The following SNX8 variants were observed in gnomAD, a reference collection of about 807,000 sequenced individuals.
SNX8 encodes the protein sorting nexin 8, also known as sorting nexin-8.
A neutral mutation model predicts 51.6 loss-of-function variants in SNX8; 25 were observed. That is an observed-to-expected ratio of 0.48 (90% CI 0.35 to 0.68). SNX8 has a LOEUF of 0.68. Among genes scored for constraint, SNX8 ranks in the 30% least tolerant of loss-of-function variants. SNX8 has a pLI of 0.00. For synonymous variants in SNX8, 324 were observed against 277.0 expected (o/e 1.17, Z -1.68); for missense variants, 695 against 624.0 (o/e 1.11, Z -1.21).
At chr7:2,317,665 G>A (rs1290132961), upstream of SNX8, among the ~76,000 whole-genome samples, 3 of 151,996 alleles carry the variant, frequency 2.0e-5, no homozygotes, top group Non-Finnish European at 4.4e-5. Flanking sequence ...TTCCTAGGAA[G>A]CGTCCCCTTC....
intron 1 of SNX8, among the ~76,000 whole-genome samples, chr7:2,330,602 G>T (rs1180036079): frequency 6.6e-6 from 1 of 152,082 alleles, no homozygotes; most frequent in African/African-American, 2.4e-5. Flanking sequence ...CAGGGTCTGG[G>T]GGGATAGGTA....
upstream of SNX8, among the ~76,000 whole-genome samples, chr7:2,314,690 G>C (rs968193117): frequency 6.6e-6 from 1 of 152,160 alleles, no homozygotes; most frequent in African/African-American, 2.4e-5. Flanking sequence ...TTGGACCTCC[G>C]GACTCGCAGG....
intron 1 of SNX8, among the ~76,000 whole-genome samples, chr7:2,301,306 G>T (rs367649505): frequency 2.0e-5 from 3 of 152,092 alleles, no homozygotes; most frequent in African/African-American, 7.2e-5. Context: ...GTGAATCCCA[G>T]CACCACCACC....
chr7:2,327,680 T>C (rs942282618), intron 1 of SNX8, among the ~76,000 whole-genome samples: 2 of 149,510 alleles, frequency 1.3e-5, no homozygotes, highest in Non-Finnish European at 3.0e-5. Context: ...GTGCTGGGAT[T>C]ACAGGCGTGA....
In SNX8 at chr7:2,289,647, A is replaced by G. The variant is rs185195754; in HGVS notation, c.95-11342T>C. Among the ~76,000 whole-genome samples the G allele has an allele frequency of 7.8e-4, 119 of 152,278 alleles. 3 individuals are homozygous for G. The South Asian group carries it at 0.019, about 25-fold the overall frequency. On this transcript the variant is annotated intron_variant, in intron 1 of 10. Transcript: ENST00000222990. ...CTCTTTTTTTTAATGCGGTGAGGAT[A>G]CATTCACTAGATTGCCAAGGCAATA...
intron 1 of SNX8, among the ~76,000 whole-genome samples, chr7:2,299,663 C>A (rs1796350281): frequency 6.6e-6 from 1 of 152,126 alleles, no homozygotes; most frequent in Non-Finnish European, 1.5e-5. Flanking sequence ...GCCACCCATG[C>A]CTGGTTTCTT....
chr7:2,317,246 A>G (rs1337601128), upstream of SNX8, among the ~76,000 whole-genome samples: 2 of 93,532 alleles, frequency 2.1e-5, no homozygotes, highest in African/African-American at 4.0e-5. Context: ...AGGATCCTGG[A>G]CCTTCTTTTT....
chr7:2,298,426 G>A (rs1304405598), intron 1 of SNX8, among the ~76,000 whole-genome samples: 1 of 152,054 alleles, frequency 6.6e-6, no homozygotes, highest in Non-Finnish European at 1.5e-5. Flanking sequence ...CTGGAGTGCA[G>A]TGGTGCAATC....
intron 1 of SNX8, among the ~76,000 whole-genome samples, chr7:2,344,611 C>CA (rs11370817): frequency 0.91 from 122,116 of 134,348 alleles, 55,337 homozygotes; most frequent in East Asian, 0.98. Context: ...GACTCCAACT[C>CA]AAAAAAAAAA....
In SNX8 at chr7:2,264,352, G is replaced by A. The variant is rs761839615; in HGVS notation, c.728C>T (p.Ala243Val). 9.9e-6 allele frequency: 16 copies of A among 1,612,738 alleles called. No homozygotes were observed. The highest frequency in any genetic ancestry group is 1.1e-5 in the South Asian group (1 of 91,088). Residue 243 changes from alanine to valine, a missense_variant, in exon 6 of 11, where the codon GCA (alanine) becomes GTA (valine). Coordinates refer to ENST00000222990, the MANE Select transcript of SNX8 (RefSeq NM_013321.4). ...HKLRDRAERI[A>V]SRAIDNAADL... ...TGCCGCATTGTCGATGGCCCGCGAT[G>A]CGATCCGCTCGGCCCTGTCGCGAAG...
chr7:2,312,609 C>T lies in SNX8; in HGVS notation c.94+1719G>A, dbSNP rs147551132. Among the ~76,000 whole-genome samples, 854 of 152,260 alleles carry T rather than the reference C, an allele frequency of 5.6e-3. 7 individuals carry two copies. The highest frequency in any genetic ancestry group is 0.02 in the African/African-American group (820 of 41,554). ...ACAGTCTTCACATCGAGGATGCCCACCAAATGCAACAATCCCTCCCCTGCT... is the reference window on the plus strand; with the variant it reads ...ACAGTCTTCACATCGAGGATGCCCATCAAATGCAACAATCCCTCCCCTGCT... On this transcript the variant is annotated intron_variant, in intron 1 of 10. Transcript: ENST00000222990.
At chr7:2,270,520 G>A (rs188352277) in intron 4 of SNX8, among the ~76,000 whole-genome samples, 1 of 151,978 alleles carries the variant, frequency 6.6e-6, no homozygotes, top group Admixed American at 6.6e-5. Flanking sequence ...TGATACCTGT[G>A]GGAAGGCCAC....
At chr7:2,307,590 C>G (rs1425939944) in intron 1 of SNX8, 1 of 145,680 alleles carries the variant, frequency 6.9e-6, no homozygotes, top group Non-Finnish European at 1.5e-5. Flanking sequence ...CGAGATCGCA[C>G]CATTGCACTC....
intron 5 of SNX8, among the ~76,000 whole-genome samples, chr7:2,266,578 C>T (rs11761573): frequency 6.6e-6 from 1 of 152,154 alleles, no homozygotes. Context: ...AACTCCTGAC[C>T]TCGTGATCCA....
In SNX8 at chr7:2,309,565, C is replaced by G. The variant is rs185767898; in HGVS notation, c.94+4763G>C. Among the ~76,000 whole-genome samples the G allele has an allele frequency of 2.6e-5, 4 of 151,880 alleles. No homozygotes were observed. The East Asian group carries it at 7.8e-4, about 29-fold the overall frequency. ...TGACCAACATGGAGAAACCCCGTCT[C>G]TACTGAAAATACAAAATTAGCCAGG... On this transcript the variant is annotated intron_variant, in intron 1 of 10. Coordinates refer to ENST00000222990, the MANE Select transcript of SNX8 (RefSeq NM_013321.4).
intron 1 of SNX8, among the ~76,000 whole-genome samples, chr7:2,291,224 C>G (rs1796143549): frequency 6.6e-6 from 1 of 151,948 alleles, no homozygotes; most frequent in Non-Finnish European, 1.5e-5. Flanking sequence ...CCTTTGAGCC[C>G]AGAAGTTCAA....
At chr7:2,275,762 G>A (rs1795763503) in intron 2 of SNX8, among the ~76,000 whole-genome samples, 1 of 152,042 alleles carries the variant, frequency 6.6e-6, no homozygotes, top group South Asian at 2.1e-4. Flanking sequence ...ACTTTGGGAG[G>A]CCGAGACAGG....
At chr7:2,327,500 C>G (rs1392942440) in intron 1 of SNX8, among the ~76,000 whole-genome samples, 1 of 151,202 alleles carries the variant, frequency 6.6e-6, no homozygotes, top group Admixed American at 6.6e-5. Context: ...CTCCGCATCT[C>G]TGGTTCATGC....
intron 1 of SNX8, among the ~76,000 whole-genome samples, chr7:2,322,608 C>T (rs1294546407): frequency 5.3e-5 from 8 of 151,658 alleles, no homozygotes; most frequent in African/African-American, 1.9e-4. Flanking sequence ...GCAGGAGAAT[C>T]GCTTGAACCC....
Sources: allele counts gnomAD v4.1 joint callset (sites outside exome capture counted in the v4.1 genomes callset), GRCh38; gene constraint gnomAD v4.1.1; transcripts MANE v1.5; gene names NCBI Gene and HGNC (gene_info 2026-07-23, HGNC 2026-07-21).